The following C12orf54 variants were observed in gnomAD, a reference collection of about 807,000 sequenced individuals.
The protein encoded by C12orf54 is chromosome 12 open reading frame 54, also known as uncharacterized protein C12orf54.
Under a neutral mutation model 26.4 loss-of-function variants are expected in C12orf54, and 24 were observed. The observed-to-expected ratio is 0.91, with a 90% CI of 0.66 to 1.28. The LOEUF (loss-of-function observed/expected upper bound fraction) is 1.28, where lower values mean the gene tolerates loss of function less well. Ranked by LOEUF, C12orf54 falls within the 50% of genes most tolerant of loss-of-function variation. The pLI is 0.00. For synonymous variants in C12orf54, 54 were observed against 47.0 expected (o/e 1.15, Z -0.61); for missense variants, 154 against 150.9 (o/e 1.02, Z -0.11).
At chr12:48,462,324 AAAT>A in the C12orf54 span, among the ~76,000 whole-genome samples, 1 of 151,602 alleles carries the variant, frequency 6.6e-6, no homozygotes, top group Non-Finnish European at 1.5e-5. Flanking sequence ...TTTAAATAAT[AAAT>A]AATAAAAAAT....
At chr12:48,491,997 T>A (rs958433051) in intron 6 of C12orf54, among the ~76,000 whole-genome samples, 2 of 152,114 alleles carry the variant, frequency 1.3e-5, no homozygotes, top group South Asian at 2.1e-4. Flanking sequence ...TATATATGAC[T>A]GAGCCCAAAG....
the C12orf54 span, among the ~76,000 whole-genome samples, chr12:48,462,039 C>T: frequency 1.3e-5 from 2 of 151,302 alleles, no homozygotes; most frequent in African/African-American, 4.8e-5. Flanking sequence ...ATGACATTTC[C>T]AGTGTCAAGA....
chr12:48,441,757 G>A, the C12orf54 span, among the ~76,000 whole-genome samples: 1 of 152,146 alleles, frequency 6.6e-6, no homozygotes, highest in Non-Finnish European at 1.5e-5. Context: ...TAAGCAAGAG[G>A]CTTATCCATC....
intron 3 of C12orf54, 54 bp from the exon 4 acceptor site, chr12:48,486,634 A>C: frequency 6.5e-7 from 1 of 1,540,394 alleles, no homozygotes; most frequent in Non-Finnish European, 9.0e-7. Flanking sequence ...GTGTCACTTC[A>C]GATTCTGGGA....
the C12orf54 span, among the ~76,000 whole-genome samples, chr12:48,456,745 C>T: frequency 6.6e-6 from 1 of 151,978 alleles, no homozygotes; most frequent in South Asian, 2.1e-4. Flanking sequence ...ATATTTCCCT[C>T]TGTCTAGGTT....
At chr12:48,488,350 C>A in intron 4 of C12orf54, 1 of 513,182 alleles carries the variant, frequency 1.9e-6, no homozygotes. Flanking sequence ...CCCCCTGGTG[C>A]CGACAAGAAA....
chr12:48,473,104 G>A, the C12orf54 span: 5 of 1,613,322 alleles, frequency 3.1e-6, no homozygotes, highest in East Asian at 4.5e-5. Flanking sequence ...TATCTCAACG[G>A]CTGTGACCCG....
chr12:48,494,226 A>G (rs1304597212), intron 7 of C12orf54, among the ~76,000 whole-genome samples: 1 of 152,082 alleles, frequency 6.6e-6, no homozygotes, highest in South Asian at 2.1e-4. Context: ...TCTCAAAAAA[A>G]AAATTAATTT....
the C12orf54 span, among the ~76,000 whole-genome samples, chr12:48,471,346 C>T: frequency 1.3e-5 from 2 of 152,126 alleles, no homozygotes; most frequent in African/African-American, 4.8e-5. Context: ...CATCCATCTG[C>T]TGATGGACAT....
upstream of C12orf54, among the ~76,000 whole-genome samples, chr12:48,477,884 C>T (rs1954160051): frequency 6.6e-6 from 1 of 152,188 alleles, no homozygotes. Context: ...GGAATCCTCC[C>T]TAACTCATTT....
the C12orf54 span, chr12:48,472,637 A>G: frequency 3.7e-6 from 6 of 1,613,336 alleles, no homozygotes; most frequent in Admixed American, 1.0e-4. Context: ...CCGCTGGCTC[A>G]GGAGCCTCTG....
chr12:48,440,167 G>A, the C12orf54 span, among the ~76,000 whole-genome samples: 6 of 151,974 alleles, frequency 3.9e-5, no homozygotes, highest in Admixed American at 6.5e-5. Flanking sequence ...GGAGGTTGCA[G>A]TGAACCGAGA....
chr12:48,468,891 C>T, the C12orf54 span, among the ~76,000 whole-genome samples: 33 of 152,104 alleles, frequency 2.2e-4, no homozygotes, highest in Admixed American at 1.4e-3. Context: ...TCTGGGTCTC[C>T]GGGGGTGACA....
chr12:48,435,936 A>G, the C12orf54 span, among the ~76,000 whole-genome samples: 21,474 of 152,230 alleles, frequency 0.14, 2,045 homozygotes, highest in Non-Finnish European at 0.22. Context: ...AATGGGCTAA[A>G]TGCTCCAATT....
the C12orf54 span, among the ~76,000 whole-genome samples, chr12:48,429,175 A>G: frequency 6.6e-6 from 1 of 152,182 alleles, no homozygotes; most frequent in Non-Finnish European, 1.5e-5. Flanking sequence ...CCTCAATGTA[A>G]TAAAAGCCAT....
At chr12:48,437,889 G>A in the C12orf54 span, among the ~76,000 whole-genome samples, 16,557 of 152,080 alleles carry the variant, frequency 0.11, 938 homozygotes, top group Middle Eastern at 0.13. Context: ...CATAGTGTTG[G>A]AAGTTCTGGC....
At chr12:48,435,414 C>T in the C12orf54 span, among the ~76,000 whole-genome samples, 1 of 152,096 alleles carries the variant, frequency 6.6e-6, no homozygotes, top group Admixed American at 6.6e-5. Context: ...CAGAGAATGC[C>T]ACAAAGATAC....
chr12:48,474,790 T>A, the C12orf54 span, among the ~76,000 whole-genome samples: 1 of 152,264 alleles, frequency 6.6e-6, no homozygotes, highest in Non-Finnish European at 1.5e-5. Context: ...CAAGGAGGCC[T>A]GCCTGCCTCT....
chr12:48,494,330 A>G (rs1302351253), intron 7 of C12orf54, among the ~76,000 whole-genome samples: 1 of 151,878 alleles, frequency 6.6e-6, no homozygotes, highest in Non-Finnish European at 1.5e-5. Flanking sequence ...CAGAAAATTG[A>G]CTCTTATAAA....
Sources: gnomAD v4.1 joint callset for allele counts (sites outside exome capture counted in the v4.1 genomes callset) on GRCh38, gnomAD v4.1.1 for gene constraint, MANE v1.5 for transcripts, NCBI Gene and HGNC (gene_info 2026-07-23, HGNC 2026-07-21) for gene names.